DLGAP5: variants seen among roughly 807,000 people sequenced by gnomAD.
DLGAP5 encodes DLG associated protein 5.
Under a neutral mutation model 99.6 loss-of-function variants are expected in DLGAP5, and 90 were observed. That is an observed-to-expected ratio of 0.90 (90% CI 0.76 to 1.08). The LOEUF is 1.08. DLGAP5 is among the 50% of genes least tolerant of loss of function. The pLI, the probability that DLGAP5 is intolerant of heterozygous loss-of-function variation, is 0.00. For synonymous variants in DLGAP5, 311 were observed against 321.3 expected (o/e 0.97, Z 0.34); for missense variants, 1,036 against 983.5 (o/e 1.05, Z -0.71).
At chr14:55,151,990 A>G (rs1029138505) in intron 16 of DLGAP5, 49 bp from the exon 17 acceptor site, 14 of 1,559,376 alleles carry the variant, frequency 9.0e-6, no homozygotes, top group Non-Finnish European at 1.2e-5. Flanking sequence ...AATTACTTGG[A>G]ACAAATTTTA....
intron 12 of DLGAP5, among the ~76,000 whole-genome samples, chr14:55,165,986 T>C (rs1882630141): frequency 6.6e-6 from 1 of 152,122 alleles, no homozygotes; most frequent in African/African-American, 2.4e-5. Flanking sequence ...CTTTGGAAAA[T>C]AGTTTGGGCA....
chr14:55,175,259 C>T (rs1883017876), intron 10 of DLGAP5, 87 bp downstream of exon 10: 6 of 1,230,246 alleles, frequency 4.9e-6, no homozygotes, highest in Non-Finnish European at 4.5e-6. Context: ...TTTTCCCCCA[C>T]TATATTAAGG....
At chr14:55,176,668 A>G (rs1883070500) in intron 8 of DLGAP5, among the ~76,000 whole-genome samples, 1 of 152,116 alleles carries the variant, frequency 6.6e-6, no homozygotes, top group South Asian at 2.1e-4. Flanking sequence ...ACTTTTTAAG[A>G]GCATAGACCA....
chr14:55,178,952 C>T (rs1883180189), intron 7 of DLGAP5, among the ~76,000 whole-genome samples: 1 of 152,078 alleles, frequency 6.6e-6, no homozygotes, highest in Admixed American at 6.6e-5. Context: ...GAGGCTGAGG[C>T]AGGAGAATCA....
In DLGAP5 at chr14:55,180,702, T is replaced by A. The variant is rs767070351; in HGVS notation, c.657A>T (p.Thr219=). The A allele has an allele frequency of 1.6e-5, 26 of 1,614,090 alleles. No individual in the cohort carries two copies. Among genetic ancestry groups the A allele is most frequent in the Non-Finnish European group, 2.2e-5 (26 of 1,180,038 alleles). The change falls in exon 6 of 19, where the codon ACA becomes ACT. Residue 219 remains threonine (T), a synonymous_variant. Transcript: ENST00000247191. ...ATQAAKQVPR[T]VSSTTARKPV... ...GCTTTCTTGCTGTGGTAGATGAGAC[T>A]GTTCTGGGAACCTGCTTTGCTGCTT...
chr14:55,187,153 C>G (rs1335658650), intron 2 of DLGAP5, among the ~76,000 whole-genome samples: 1 of 151,846 alleles, frequency 6.6e-6, no homozygotes, highest in Admixed American at 6.6e-5. Context: ...ATCCACTCAC[C>G]TTAGCCTGGG....
intron 3 of DLGAP5, 126 bp from the exon 4 acceptor site, chr14:55,182,558 G>T (rs1883313351): frequency 1.5e-6 from 1 of 648,888 alleles, no homozygotes; most frequent in Non-Finnish European, 2.4e-6. Flanking sequence ...ATAGCAAAAA[G>T]ATACTTAAAT....
Position 55,151,733 on chromosome 14 carries a change from C to G in DLGAP5, c.2330G>C (p.Ser777Thr), listed in dbSNP as rs766799721. The change falls in exon 17 of 19, where the codon AGC (serine) becomes ACC (threonine). Residue 777 changes from serine (S) to threonine (T), a missense_variant. Transcript: ENST00000247191. ...TTTAGTTTCCCCTTCTTCTAAGATG[C>G]TATTTTGTGAAGCTGTATTTTTTTC... ...SPEKNTASQNSILEEGETKIS... is the reference protein window; with the variant it reads ...SPEKNTASQNTILEEGETKIS... 2 of 1,613,742 alleles carry G rather than the reference C, an allele frequency of 1.2e-6. No homozygotes were observed. Among genetic ancestry groups the G allele is most frequent in the Non-Finnish European group, 1.7e-6 (2 of 1,179,888 alleles).
chr14:55,178,041 G>A (rs1248703011), intron 7 of DLGAP5, among the ~76,000 whole-genome samples: 3 of 150,136 alleles, frequency 2.0e-5, no homozygotes, highest in African/African-American at 4.9e-5. Context: ...TCACAAGGTC[G>A]GGAGATCGAG....
At chr14:55,187,705 T>C (rs1178633776) in intron 2 of DLGAP5, among the ~76,000 whole-genome samples, 2 of 151,936 alleles carry the variant, frequency 1.3e-5, no homozygotes, top group African/African-American at 4.8e-5. Context: ...GGCACCATTG[T>C]AGCACACTGA....
chr14:55,166,933 C>T (rs1325301845), intron 12 of DLGAP5, among the ~76,000 whole-genome samples: 4 of 150,460 alleles, frequency 2.7e-5, no homozygotes, highest in African/African-American at 9.8e-5. Flanking sequence ...TCCCACTAAG[C>T]CAAAGCTGGG....
At chr14:55,173,253 C>G (rs1399218476) in intron 10 of DLGAP5, among the ~76,000 whole-genome samples, 3 of 119,672 alleles carry the variant, frequency 2.5e-5, no homozygotes, top group Admixed American at 1.0e-4. Flanking sequence ...TGGGCAATAT[C>G]ATAAGACCCC....
At chr14:55,174,761 G>A (rs753684458) in intron 10 of DLGAP5, among the ~76,000 whole-genome samples, 10 of 151,424 alleles carry the variant, frequency 6.6e-5, no homozygotes, top group Non-Finnish European at 1.5e-4. Context: ...TGCAATCTTG[G>A]CTAACTGCAA....
chr14:55,173,745 C>T (rs1027619306), intron 10 of DLGAP5, among the ~76,000 whole-genome samples: 1 of 152,156 alleles, frequency 6.6e-6, no homozygotes, highest in Admixed American at 6.5e-5. Context: ...ATATCTTATG[C>T]CTGTCTTTAC....
rs1289506968 is a variant in DLGAP5 at position 55,181,295 on chromosome 14, A to C, written c.498T>G (p.Ile166Met). 1.2e-6 allele frequency: 2 copies of C among 1,613,684 alleles called. No individual in the cohort carries two copies. Among genetic ancestry groups the C allele is most frequent in the Admixed American group, 1.7e-5 (1 of 59,976 alleles). The part of the protein sequence containing the change: ...KAKDQMEQTK[I>M]DNESDVRAIR... ...TTGCTCGAACATCACTCTCGTTATC[A>C]ATCTATTTAAGAGATTAGGTGCTAT... Residue 166 changes from isoleucine (I) to methionine (M), a missense_variant and splice_region_variant, in exon 5 of 19, where the codon ATT (isoleucine) becomes ATG (methionine). Transcript: ENST00000247191.
chr14:55,175,669 C>A (rs187424102), intron 9 of DLGAP5, among the ~76,000 whole-genome samples, 197 bp from the exon 10 acceptor site: 3 of 152,218 alleles, frequency 2.0e-5, no homozygotes, highest in African/African-American at 7.2e-5. Flanking sequence ...CCTCTTCTGT[C>A]TGTATTCTTC....
chr14:55,149,796 A>T (rs1881947147), intron 18 of DLGAP5, among the ~76,000 whole-genome samples: 1 of 99,326 alleles, frequency 1.0e-5, no homozygotes, highest in Admixed American at 1.2e-4. Flanking sequence ...CTGTAATCCC[A>T]GCACTTTGAG....
At chr14:55,149,589 C>T (rs1354859044) in intron 18 of DLGAP5, among the ~76,000 whole-genome samples, 2 of 152,170 alleles carry the variant, frequency 1.3e-5, no homozygotes, top group Non-Finnish European at 2.9e-5. Flanking sequence ...GAATGAATTT[C>T]TCATATTCTG....
chr14:55,150,938 T>C, intron 17 of DLGAP5, 90 bp from the exon 18 acceptor site: 2 of 833,346 alleles, frequency 2.4e-6, no homozygotes, highest in South Asian at 1.7e-5. Context: ...ATATGAAAAG[T>C]TCCACATATC....
Sources: allele counts gnomAD v4.1 joint callset (sites outside exome capture counted in the v4.1 genomes callset), GRCh38; gene constraint gnomAD v4.1.1; transcripts MANE v1.5; gene names NCBI Gene and HGNC (gene_info 2026-07-23, HGNC 2026-07-21).